Variants in DPP10 observed in about 807,000 individuals in gnomAD.
The protein encoded by DPP10 is dipeptidyl peptidase like 10.
DPP10 carries 33 observed loss-of-function variants against 120.9 expected under a neutral mutation model. That is an observed-to-expected ratio of 0.27 (90% CI 0.21 to 0.37). The LOEUF (loss-of-function observed/expected upper bound fraction) is 0.37, where lower values mean the gene tolerates loss of function less well. Among genes scored for constraint, DPP10 ranks in the 10% least tolerant of loss-of-function variants. DPP10 has a pLI of 1.00. For synonymous variants in DPP10, 337 were observed against 326.1 expected, an observed-to-expected ratio of 1.03 and a Z score of -0.36; for missense variants, 816 against 942.8, an observed-to-expected ratio of 0.87 and a Z score of 1.76.
intron 1 of DPP10, among the ~76,000 whole-genome samples, chr2:114,624,359 G>A (rs952543979): frequency 7.9e-5 from 12 of 151,828 alleles, no homozygotes; most frequent in African/African-American, 2.9e-4. Flanking sequence ...TATTCTCTAG[G>A]GCATAGGGGA....
At chr2:114,694,516 T>G (rs1699954991) in intron 1 of DPP10, among the ~76,000 whole-genome samples, 2 of 152,032 alleles carry the variant, frequency 1.3e-5, no homozygotes, top group Admixed American at 6.6e-5. Flanking sequence ...TGGAGAAATT[T>G]GCAAATTAGG....
intron 1 of DPP10, among the ~76,000 whole-genome samples, chr2:114,604,796 C>T (rs1232423422): frequency 6.6e-6 from 1 of 152,050 alleles, no homozygotes; most frequent in Admixed American, 6.6e-5. Context: ...AATTCTGTAA[C>T]CACTGTTATT....
chr2:114,789,424 A>C (rs1378441568), intron 1 of DPP10, among the ~76,000 whole-genome samples: 1 of 152,204 alleles, frequency 6.6e-6, no homozygotes, highest in Non-Finnish European at 1.5e-5. Flanking sequence ...TCCCTCTCTC[A>C]TAATCAAGAA....
At chr2:115,280,509 A>C (rs1161878777) in intron 1 of DPP10, among the ~76,000 whole-genome samples, 2 of 152,178 alleles carry the variant, frequency 1.3e-5, no homozygotes, top group Non-Finnish European at 2.9e-5. Context: ...TCTCACACAT[A>C]AGCAATATCA....
chr2:115,483,876 A>T (rs768345878), intron 3 of DPP10, among the ~76,000 whole-genome samples: 6 of 152,054 alleles, frequency 3.9e-5, no homozygotes, highest in Non-Finnish European at 7.4e-5. Flanking sequence ...TGTCAGACTG[A>T]TCTGCTGCCA....
At chr2:115,464,475 C>A (rs972049743) in intron 3 of DPP10, among the ~76,000 whole-genome samples, 2 of 151,944 alleles carry the variant, frequency 1.3e-5, no homozygotes, top group African/African-American at 4.8e-5. Flanking sequence ...TAGCACCTGA[C>A]ACCTGCCCTG....
chr2:115,134,142 G>A (rs778680301), intron 1 of DPP10, among the ~76,000 whole-genome samples: 1 of 152,116 alleles, frequency 6.6e-6, no homozygotes, highest in African/African-American at 2.4e-5. Context: ...TTAGGAAAAA[G>A]ATCTTTTATG....
At chr2:114,604,787 A>G (rs1692654652) in intron 1 of DPP10, among the ~76,000 whole-genome samples, 1 of 152,102 alleles carries the variant, frequency 6.6e-6, no homozygotes, top group African/African-American at 2.4e-5. Flanking sequence ...TATACTTGAA[A>G]TTCTGTAACC....
At position 115,397,527 on chromosome 2, in the gene DPP10, A is replaced by G. The variant is rs148080634; in HGVS notation, c.271+53615A>G. On this transcript the variant is annotated intron_variant, in intron 3 of 25. Transcript: ENST00000410059. Reference sequence around the variant, plus strand: ...TCAATAAAATTGTTATAATTGGGTTAGACATATATGAATTACAAAACATGG... The same window carrying G: ...TCAATAAAATTGTTATAATTGGGTTGGACATATATGAATTACAAAACATGG... Among the ~76,000 whole-genome samples the G allele has an allele frequency of 3.8e-3, 573 of 152,322 alleles. 2 individuals carry two copies. The highest frequency in any genetic ancestry group is 0.013 in the African/African-American group (556 of 41,582).
intron 1 of DPP10, among the ~76,000 whole-genome samples, chr2:114,750,709 A>G (rs1679136423): frequency 6.6e-6 from 1 of 152,216 alleles, no homozygotes; most frequent in Non-Finnish European, 1.5e-5. Context: ...GATGCCAGCC[A>G]GCCTATTCTA....
At chr2:115,561,047 C>T (rs888871496) in intron 5 of DPP10, among the ~76,000 whole-genome samples, 6 of 152,012 alleles carry the variant, frequency 3.9e-5, no homozygotes, top group African/African-American at 1.4e-4. Flanking sequence ...TAGAATTTGC[C>T]TATTGAAATC....
chr2:115,763,551 A>G (rs1680355661), intron 12 of DPP10, among the ~76,000 whole-genome samples: 1 of 152,142 alleles, frequency 6.6e-6, no homozygotes, highest in South Asian at 2.1e-4. Flanking sequence ...CTATCTATAT[A>G]TAATTAATAT....
Position 114,876,232 on chromosome 2 carries a change from A to G in DPP10, c.61-433007A>G, listed in dbSNP as rs115043076. ...GCAATATTGGGAGACAGATGAATTG[A>G]CAAGAGATAGTGAAAACGATATTTA... On this transcript the variant is annotated intron_variant, in intron 1 of 25. Coordinates refer to ENST00000410059, the MANE Select transcript of DPP10 (RefSeq NM_020868.6). 8.1e-3 allele frequency among the ~76,000 whole-genome samples: 1,226 copies of G among 152,250 alleles called. 5 individuals carry two copies. Among genetic ancestry groups the G allele is most frequent in the Middle Eastern group, 0.02 (6 of 294 alleles).
At chr2:114,539,552 G>A (rs1209001262) in intron 1 of DPP10, among the ~76,000 whole-genome samples, 1 of 152,114 alleles carries the variant, frequency 6.6e-6, no homozygotes, top group Non-Finnish European at 1.5e-5. Context: ...TCTTTGCTCA[G>A]GTTCTTGACC....
chr2:114,836,037 A>T (rs1049360113), intron 1 of DPP10, among the ~76,000 whole-genome samples: 1 of 152,152 alleles, frequency 6.6e-6, no homozygotes, highest in African/African-American at 2.4e-5. Flanking sequence ...ATTGGAGAGT[A>T]TTGGATATGA....
intron 3 of DPP10, among the ~76,000 whole-genome samples, chr2:115,479,103 C>T (rs2075273534): frequency 6.6e-6 from 1 of 152,068 alleles, no homozygotes; most frequent in African/African-American, 2.4e-5. Flanking sequence ...TTTTTATGTA[C>T]CCCTATTCAT....
At chr2:115,000,658 T>C (rs1701380602) in intron 1 of DPP10, among the ~76,000 whole-genome samples, 1 of 152,178 alleles carries the variant, frequency 6.6e-6, no homozygotes, top group African/African-American at 2.4e-5. Flanking sequence ...CTATCATGGT[T>C]ATAAAATATA....
intron 1 of DPP10, among the ~76,000 whole-genome samples, chr2:114,888,353 G>A (rs1692253545): frequency 6.6e-6 from 1 of 151,816 alleles, no homozygotes; most frequent in South Asian, 2.1e-4. Context: ...AACTAAGTAG[G>A]TCAGAAGACT....
At chr2:115,766,320 A>G (rs891665567) in intron 12 of DPP10, among the ~76,000 whole-genome samples, 20,925 of 79,232 alleles carry the variant, frequency 0.26, 3,167 homozygotes, top group East Asian at 0.44. Flanking sequence ...GTATATATAT[A>G]TATATGTATA....
Sources: allele counts gnomAD v4.1 joint callset (sites outside exome capture counted in the v4.1 genomes callset), GRCh38; gene constraint gnomAD v4.1.1; transcripts MANE v1.5; gene names NCBI Gene and HGNC (gene_info 2026-07-23, HGNC 2026-07-21).